Variants in DNM3 observed in about 807,000 individuals in gnomAD.
The protein encoded by DNM3 is dynamin 3.
A neutral mutation model predicts 101.6 loss-of-function variants in DNM3; 47 were observed. The observed-to-expected ratio is 0.46, with a 90% CI of 0.37 to 0.59. The LOEUF (loss-of-function observed/expected upper bound fraction) is 0.59, where lower values mean the gene tolerates loss of function less well. Ranked by LOEUF, DNM3 falls within the 20% of genes least tolerant of loss-of-function variation. DNM3 has a pLI of 0.00. For synonymous variants in DNM3, 385 were observed against 387.9 expected (o/e 0.99, Z 0.09); for missense variants, 849 against 1,085.7 (o/e 0.78, Z 3.06).
intron 16 of DNM3, among the ~76,000 whole-genome samples, chr1:172,320,754 G>T (rs1030368252): frequency 6.6e-6 from 1 of 152,130 alleles, no homozygotes; most frequent in Non-Finnish European, 1.5e-5. Flanking sequence ...ACTCTGGGGG[G>T]ATAGGCCAGC....
chr1:171,865,979 C>T (rs1444825020), intron 1 of DNM3, among the ~76,000 whole-genome samples: 1 of 152,174 alleles, frequency 6.6e-6, no homozygotes, highest in Non-Finnish European at 1.5e-5. Context: ...TGTGTATTCT[C>T]TTAATCAACA....
intron 10 of DNM3, among the ~76,000 whole-genome samples, chr1:172,056,720 A>G (rs1371559468): frequency 6.6e-6 from 1 of 152,086 alleles, no homozygotes; most frequent in Non-Finnish European, 1.5e-5. Flanking sequence ...GACCAAAAGT[A>G]GATAAAACCA....
intron 15 of DNM3, among the ~76,000 whole-genome samples, chr1:172,273,423 T>C (rs2063158366): frequency 6.6e-6 from 1 of 152,042 alleles, no homozygotes. Context: ...AAACTACAAG[T>C]TTTGTAAATT....
intron 14 of DNM3, among the ~76,000 whole-genome samples, chr1:172,194,673 G>C (rs1345056099): frequency 6.6e-6 from 1 of 151,980 alleles, no homozygotes; most frequent in Non-Finnish European, 1.5e-5. Context: ...TCAGAGACTA[G>C]GATTGCAACC....
rs145162215 is a variant in DNM3 at position 172,013,519 on chromosome 1, C to T, written c.590-18883C>T. 5.9e-5 allele frequency among the ~76,000 whole-genome samples: 9 copies of T among 151,970 alleles called. No individual in the cohort carries two copies. The South Asian group carries it at 6.2e-4, about 11-fold the overall frequency. On this transcript the variant is annotated intron_variant, in intron 4 of 20. Transcript: ENST00000627582. ...TCCTGTTTTTGAAGAGACTATGCCC[C>T]GGTAGGGAAAATCGAAATATAAGCA...
intron 17 of DNM3, among the ~76,000 whole-genome samples, chr1:172,359,922 AC>A (rs2067656242): frequency 6.6e-6 from 1 of 152,086 alleles, no homozygotes; most frequent in East Asian, 1.9e-4. Context: ...TTCCTGTTGC[AC>A]ATAACCTTTG....
intron 14 of DNM3, among the ~76,000 whole-genome samples, chr1:172,153,447 T>C (rs1372988886): frequency 6.6e-6 from 1 of 152,160 alleles, no homozygotes. Context: ...GTGATATGTG[T>C]TAATTTCCCA....
chr1:171,980,196 A>T (rs1304556282), intron 2 of DNM3, among the ~76,000 whole-genome samples: 2 of 147,106 alleles, frequency 1.4e-5, no homozygotes, highest in African/African-American at 5.1e-5. Context: ...TTATTTTAGC[A>T]ATACAGTTGA....
In DNM3 at chr1:172,398,608, T is replaced by C. The variant is rs1383642119; in HGVS notation, c.2523-9164T>C. On this transcript the variant is annotated intron_variant, in intron 20 of 20. Transcript: ENST00000627582. ...AGATGTATGTGAAAATGAGAGCCTT[T>C]CATTTATAAACATTTTGGCTTTACT... 7.2e-5 allele frequency among the ~76,000 whole-genome samples: 11 copies of C among 152,212 alleles called. 1 individual carries two copies. The highest frequency in any genetic ancestry group is 1.6e-4 in the Non-Finnish European group (11 of 68,040).
intron 14 of DNM3, among the ~76,000 whole-genome samples, chr1:172,135,242 G>C (rs1004171356): frequency 6.6e-6 from 1 of 152,110 alleles, no homozygotes; most frequent in Non-Finnish European, 1.5e-5. Context: ...GAGACCAGGA[G>C]ACATTGTTTG....
intron 20 of DNM3, among the ~76,000 whole-genome samples, chr1:172,417,869 T>C (rs1303893368): frequency 6.6e-6 from 1 of 152,216 alleles, no homozygotes. Flanking sequence ...ACAACATTCA[T>C]TGAAATCTTT....
chr1:172,192,825 C>T (rs1252899149), intron 14 of DNM3, among the ~76,000 whole-genome samples: 4 of 151,336 alleles, frequency 2.6e-5, no homozygotes, highest in South Asian at 4.2e-4. Context: ...TGAATAATGT[C>T]GCAATAAACA....
At chr1:171,870,288 C>T (rs2035147289) in intron 1 of DNM3, among the ~76,000 whole-genome samples, 1 of 152,118 alleles carries the variant, frequency 6.6e-6, no homozygotes, top group African/African-American at 2.4e-5. Flanking sequence ...ACTCTGTTCT[C>T]ATTAAGAAGG....
intron 17 of DNM3, among the ~76,000 whole-genome samples, chr1:172,368,573 A>G (rs2068152000): frequency 6.6e-6 from 1 of 151,938 alleles, no homozygotes; most frequent in Non-Finnish European, 1.5e-5. Context: ...GGAACTAGAA[A>G]AGCAAGAATA....
At chr1:172,350,565 C>A (rs1386988508) in intron 17 of DNM3, among the ~76,000 whole-genome samples, 1 of 152,088 alleles carries the variant, frequency 6.6e-6, no homozygotes, top group Non-Finnish European at 1.5e-5. Context: ...TAAAACAATT[C>A]TTCAAGGAAC....
intron 4 of DNM3, among the ~76,000 whole-genome samples, chr1:172,002,970 A>G (rs998943537): frequency 1.3e-5 from 2 of 152,030 alleles, no homozygotes; most frequent in African/African-American, 4.8e-5. Flanking sequence ...TGAAGAAGTT[A>G]AAAATTTCCC....
At chr1:172,077,209 C>T (rs1231752187) in intron 11 of DNM3, among the ~76,000 whole-genome samples, 1 of 151,612 alleles carries the variant, frequency 6.6e-6, no homozygotes, top group Non-Finnish European at 1.5e-5. Context: ...TCTCTCTTTT[C>T]TTCTTTATTA....
At chr1:172,366,882 C>A (rs1006361762) in intron 17 of DNM3, among the ~76,000 whole-genome samples, 8 of 151,684 alleles carry the variant, frequency 5.3e-5, no homozygotes, top group Admixed American at 6.6e-5. Flanking sequence ...ATTGGGACAC[C>A]ACTGAGCAAA....
chr1:172,402,209 G>C (rs2070542770), intron 20 of DNM3, among the ~76,000 whole-genome samples: 1 of 142,642 alleles, frequency 7.0e-6, no homozygotes, highest in African/African-American at 2.5e-5. Context: ...GATTCAAGAG[G>C]GTCATTGAGA....
Sources: gnomAD v4.1 joint callset for allele counts (sites outside exome capture counted in the v4.1 genomes callset) on GRCh38, gnomAD v4.1.1 for gene constraint, MANE v1.5 for transcripts, NCBI Gene and HGNC (gene_info 2026-07-23, HGNC 2026-07-21) for gene names.